Variants in DPP6 observed in about 807,000 individuals in gnomAD.
DPP6 encodes A-type potassium channel modulatory protein DPP6.
DPP6 carries 69 observed loss-of-function variants against 122.6 expected under a neutral mutation model. The observed-to-expected ratio is 0.56, with a 90% CI of 0.46 to 0.69. DPP6 has a LOEUF of 0.69. Ranked by LOEUF, DPP6 falls within the 30% of genes least tolerant of loss-of-function variation. DPP6 has a pLI of 0.00. For missense variants in DPP6, 928 were observed against 1,116.9 expected (o/e 0.83, Z 2.41); for synonymous variants, 418 against 433.1 (o/e 0.97, Z 0.43).
chr7:154,003,104 T>C lies in DPP6; in HGVS notation c.51+115370T>C, dbSNP rs755601476. Reference sequence around the variant, plus strand: ...AAGGAGAAAAGGGCCTTGCTTAATTTTGAGACTTCCAAAAGGTTAGGCTAC... The same window carrying C: ...AAGGAGAAAAGGGCCTTGCTTAATTCTGAGACTTCCAAAAGGTTAGGCTAC... On this transcript the variant is annotated intron_variant, in intron 1 of 25. Transcript: ENST00000404039. Among the ~76,000 whole-genome samples, 103 of 152,202 alleles carry C rather than the reference T, an allele frequency of 6.8e-4. 2 individuals are homozygous for C. The highest frequency in any genetic ancestry group is 3.9e-4 in the Admixed American group (6 of 15,282).
intron 3 of DPP6, among the ~76,000 whole-genome samples, chr7:154,516,286 C>G (rs1174782103): frequency 6.6e-6 from 1 of 150,390 alleles, no homozygotes; most frequent in Non-Finnish European, 1.5e-5. Flanking sequence ...TTGGTCCAGA[C>G]AGAAACATAA....
chr7:153,840,066 A>G, the DPP6 span, among the ~76,000 whole-genome samples: 9 of 152,300 alleles, frequency 5.9e-5, no homozygotes, highest in Admixed American at 4.6e-4. Flanking sequence ...AGACAGTTTT[A>G]TTGGTTGTAG....
chr7:154,758,772 G>A (rs1795318608), intron 8 of DPP6, among the ~76,000 whole-genome samples: 1 of 151,740 alleles, frequency 6.6e-6, no homozygotes, highest in African/African-American at 2.4e-5. Context: ...TGTTTTGTTT[G>A]TAAGAAGGGA....
At chr7:153,912,027 C>T (rs1800111381) in intron 1 of DPP6, among the ~76,000 whole-genome samples, 1 of 152,156 alleles carries the variant, frequency 6.6e-6, no homozygotes, top group African/African-American at 2.4e-5. Flanking sequence ...AAGAAGCTAA[C>T]ACAAATTGTC....
chr7:154,539,489 G>A (rs1180505054), intron 3 of DPP6, among the ~76,000 whole-genome samples: 1 of 152,096 alleles, frequency 6.6e-6, no homozygotes. Context: ...TTGTACGGTG[G>A]GGGGCAGGGG....
intron 1 of DPP6, among the ~76,000 whole-genome samples, chr7:154,198,254 A>G (rs543733561): frequency 5.1e-4 from 78 of 152,188 alleles, no homozygotes; most frequent in African/African-American, 5.1e-4. Context: ...TCTTACTACT[A>G]CAGAGGGTGA....
chr7:154,753,942 G>T (rs1321891164), intron 8 of DPP6, among the ~76,000 whole-genome samples: 1 of 152,144 alleles, frequency 6.6e-6, no homozygotes, highest in Non-Finnish European at 1.5e-5. Context: ...GCCGGCTCTT[G>T]TTCTTTGAAC....
intron 7 of DPP6, among the ~76,000 whole-genome samples, chr7:154,721,750 A>ATT (rs34286795): frequency 7.8e-4 from 119 of 152,252 alleles, no homozygotes; most frequent in Non-Finnish European, 9.1e-4. Context: ...GAGAGAATGG[A>ATT]TTTTTTATAA....
At chr7:154,324,867 A>ATTTTTTTTTTTTTTTTTTTTT (rs143944650) in intron 1 of DPP6, among the ~76,000 whole-genome samples, 2 of 113,088 alleles carry the variant, frequency 1.8e-5, no homozygotes, top group African/African-American at 3.4e-5. Context: ...TCCTTTTGTT[A>ATTTTTTTTTTTTTTTTTTTTT]TTTTTTTTTT....
rs531954542 is a variant in DPP6 at position 154,171,703 on chromosome 7, G to A, written c.243+118640G>A. On this transcript the variant is annotated intron_variant, in intron 1 of 25. Coordinates refer to ENST00000377770, the MANE Select transcript of DPP6 (RefSeq NM_130797.4). ...GAGCTGTGCTGCAGCCCAGGGCCACGTGGACAGGGTGCTGGTGCATTCTCC... is the reference window on the plus strand; with the variant it reads ...GAGCTGTGCTGCAGCCCAGGGCCACATGGACAGGGTGCTGGTGCATTCTCC... 2.6e-5 allele frequency among the ~76,000 whole-genome samples: 4 copies of A among 152,234 alleles called. No individual in the cohort carries two copies. In the South Asian group the frequency reaches 6.2e-4, roughly 24 times the overall value.
At position 154,279,472 on chromosome 7, in the gene DPP6, C is replaced by T. The variant is rs115058166; in HGVS notation, c.244-166742C>T. Among the ~76,000 whole-genome samples, 1,430 of 152,306 alleles carry T rather than the reference C, an allele frequency of 9.4e-3. 26 individuals are homozygous for T. The highest frequency in any genetic ancestry group is 0.032 in the African/African-American group (1,333 of 41,556). Reference sequence around the variant, plus strand: ...ATAAAAATGTGGCTTTCTGAGACAACGCCTTGGAAGCGTGTCACTTGCTGG... The same window carrying T: ...ATAAAAATGTGGCTTTCTGAGACAATGCCTTGGAAGCGTGTCACTTGCTGG... On this transcript the variant is annotated intron_variant, in intron 1 of 25. Transcript: ENST00000377770.
At chr7:154,521,368 T>G (rs1238507960) in intron 3 of DPP6, among the ~76,000 whole-genome samples, 1 of 87,886 alleles carries the variant, frequency 1.1e-5, no homozygotes, top group African/African-American at 3.1e-5. Context: ...AAATAAATTG[T>G]TTTTTTTTTT....
At position 154,172,605 on chromosome 7, in the gene DPP6, CT is replaced by C. The variant is rs539600568; in HGVS notation, c.243+119557del. Among the ~76,000 whole-genome samples the C allele has an allele frequency of 4.2e-3, 578 of 137,220 alleles. 1 individual carries two copies. Among genetic ancestry groups the C allele is most frequent in the African/African-American group, 4.9e-3 (180 of 36,704 alleles). The allele number at this position is 137,220 out of a possible 152,430, so 90.0% of individuals were successfully genotyped here. A position where few individuals can be genotyped will look rare whatever the true frequency, so the allele number is the denominator to read the frequency against. ...TGTCTCTTCTAAAGTCTTTTTTTTTCTTTTTTTTTTTTTTTGAGACAGGGTC... is the reference window on the plus strand; with the variant it reads ...TGTCTCTTCTAAAGTCTTTTTTTTTCTTTTTTTTTTTTTTGAGACAGGGTC... On this transcript the variant is annotated intron_variant, in intron 1 of 25. Transcript: ENST00000377770.
intron 6 of DPP6, among the ~76,000 whole-genome samples, chr7:154,668,680 T>C (rs2131099016): frequency 6.6e-6 from 1 of 152,304 alleles, no homozygotes; most frequent in East Asian, 1.9e-4. Flanking sequence ...CTACAAAATA[T>C]ACTGAAATAT....
intron 1 of DPP6, among the ~76,000 whole-genome samples, chr7:154,354,680 T>A (rs1280461481): frequency 6.6e-6 from 1 of 152,224 alleles, no homozygotes; most frequent in African/African-American, 2.4e-5. Context: ...TTAATTTGCC[T>A]AAGATTATGT....
At chr7:154,540,285 T>G (rs1299945563) in intron 3 of DPP6, among the ~76,000 whole-genome samples, 1 of 152,182 alleles carries the variant, frequency 6.6e-6, no homozygotes, top group Non-Finnish European at 1.5e-5. Flanking sequence ...ACATTCTAGC[T>G]GTTCCAAAGG....
At chr7:154,033,054 C>G (rs1799339317) in intron 1 of DPP6, among the ~76,000 whole-genome samples, 1 of 152,016 alleles carries the variant, frequency 6.6e-6, no homozygotes, top group South Asian at 2.1e-4. Flanking sequence ...AACAGTACTG[C>G]TAAACAGTTA....
intron 1 of DPP6, among the ~76,000 whole-genome samples, chr7:153,971,243 TACAG>T (rs1239896792): frequency 2.0e-5 from 3 of 152,130 alleles, no homozygotes; most frequent in Non-Finnish European, 2.9e-5. Context: ...ATTGTTAGTA[TACAG>T]AAATATTATT....
At chr7:153,897,948 C>A (rs1799479450) in intron 1 of DPP6, among the ~76,000 whole-genome samples, 1 of 152,096 alleles carries the variant, frequency 6.6e-6, no homozygotes, top group African/African-American at 2.4e-5. Flanking sequence ...AGTAGATTGT[C>A]TCCAAAAGCT....
Sources: allele counts gnomAD v4.1 joint callset (sites outside exome capture counted in the v4.1 genomes callset), GRCh38; gene constraint gnomAD v4.1.1; transcripts MANE v1.5; gene names NCBI Gene and HGNC (gene_info 2026-07-23, HGNC 2026-07-21).